The following MZB1 variants were observed in gnomAD, a reference collection of about 807,000 sequenced individuals.
The protein encoded by MZB1 is marginal zone B- and B1-cell-specific protein.
MZB1 carries 10 observed loss-of-function variants against 17.2 expected under a neutral mutation model. The ratio of observed to expected loss-of-function variants is 0.58; its 90% CI spans 0.36 to 0.98. MZB1 has a LOEUF of 0.98. Ranked by LOEUF, MZB1 falls within the 50% of genes least tolerant of loss-of-function variation. The pLI is 0.01. For synonymous variants in MZB1, 99 were observed against 98.7 expected, an observed-to-expected ratio of 1.00 and a Z score of -0.02; for missense variants, 246 against 237.5, an observed-to-expected ratio of 1.04 and a Z score of -0.23.
rs1328599305 is a variant in MZB1, at chr5:139,389,687, G to A, written c.170C>T (p.Ala57Val). The change falls in exon 1 of 4, where the codon GCT becomes GTT. Residue 57 changes from alanine (A) to valine (V), a missense_variant. By Grantham distance (64) the Ala-to-Val change is moderately conservative (BLOSUM62 0). Coordinates refer to ENST00000302125, the MANE Select transcript of MZB1 (RefSeq NM_016459.4). ...CAGTGGTGAAGGACTCACCTGGTAA[G>A]CCACAGCTCTGCAGGCATCACAGCG... ...HLRCDACRAV[A>V]YQMWQNLAKA... The A allele has an allele frequency of 1.3e-6, 2 of 1,588,904 alleles. No homozygotes were observed. Among genetic ancestry groups the A allele is most frequent in the South Asian group, 2.3e-5 (2 of 87,070 alleles).
chr5:139,387,931 C>G lies in MZB1; in HGVS notation c.414-10G>C, dbSNP rs1758541979. ...ACATGTCCTGGAGAGCCTAGGGGAG[C>G]CCAGCAGGAGCCTCAGATGCTGCCC... On this transcript the variant is annotated splice_polypyrimidine_tract_variant and intron_variant, in intron 3 of 3. Coordinates refer to ENST00000302125, the MANE Select transcript of MZB1 (RefSeq NM_016459.4). 6.4e-7 allele frequency: 1 copy of G among 1,574,678 alleles called. No homozygotes were observed. Among genetic ancestry groups the G allele is most frequent in the Admixed American group, 1.9e-5 (1 of 52,084 alleles).
At chr5:139,389,292 G>A (rs1263129635) in intron 1 of MZB1, 1 of 429,040 alleles carries the variant, frequency 2.3e-6, no homozygotes, top group Non-Finnish European at 4.6e-6. Context: ...ATGCTCAGCA[G>A]GTGTGTGTGT....
Position 139,387,815 on chromosome 5 carries a change from G to A in MZB1, c.520C>T (p.Pro174Ser). Residue 174 changes from proline to serine, a missense_variant, in exon 4 of 4, where the codon CCC becomes TCC. Physicochemically the swap from Pro to Ser is moderately conservative, Grantham distance 74. Transcript: ENST00000302125. ...ACCTTCTCTGAGCAGGCCCCCTGGG[G>A]TCCCCCACATAGCAATGCCTCCAGA... ...GALEALLCGG[P>S]QGACSEKVSA... 1.3e-6 allele frequency: 2 copies of A among 1,589,990 alleles called. No homozygotes were observed. The highest frequency in any genetic ancestry group is 3.4e-4 in the Middle Eastern group (2 of 5,916).
rs373823723 is a variant in MZB1, at chr5:139,387,581, TTTTA to T, written c.*180_*183del. ...AGAGAAAAGAAGTGAGGTCACTGGGTTTTATTTGAGTCCAGAGGGGAAGGCGTTG... is the reference window on the plus strand; with the variant it reads ...AGAGAAAAGAAGTGAGGTCACTGGGTTTTGAGTCCAGAGGGGAAGGCGTTG... On this transcript the variant is annotated 3_prime_UTR_variant, in exon 4 of 4. Transcript: ENST00000302125. The T allele has an allele frequency of 7.7e-4, 403 of 523,588 alleles. 3 individuals carry two copies. In the Middle Eastern group the frequency reaches 0.012, roughly 15 times the overall value. The allele number at this position is 523,588 out of a possible 1,614,324, so 32.4% of individuals were successfully genotyped here.
At chr5:139,389,236 C>G (rs1758567710) in intron 1 of MZB1, 1 of 338,746 alleles carries the variant, frequency 3.0e-6, no homozygotes, top group Non-Finnish European at 5.8e-6. Flanking sequence ...TTCAATCACA[C>G]AAGTACTCCC....
intron 2 of MZB1, 53 bp from the exon 3 acceptor site, chr5:139,388,184 G>A: frequency 2.7e-6 from 4 of 1,479,646 alleles, no homozygotes; most frequent in Non-Finnish European, 3.7e-6. Flanking sequence ...CCCAGCCAGG[G>A]AGAGACCCAT....
In MZB1 at chr5:139,388,539, T is replaced by C. The variant is rs1048636313; in HGVS notation, c.224A>G (p.Asn75Ser). 1 of 1,600,684 alleles carries C rather than the reference T, an allele frequency of 6.2e-7. No individual in the cohort carries two copies. Among genetic ancestry groups the C allele is most frequent in the Non-Finnish European group, 8.5e-7 (1 of 1,173,818 alleles). ...GCTCAGCTCCCGCCGCCCCCCAGAGTTTGAGGTATGAAGTTTGGTCTCTGC... is the reference window on the plus strand; with the variant it reads ...GCTCAGCTCCCGCCGCCCCCCAGAGCTTGAGGTATGAAGTTTGGTCTCTGC... ...AKAETKLHTS[N>S]SGGRRELSEL... The change falls in exon 2 of 4, where the codon AAC becomes AGC. Residue 75 changes from asparagine (N) to serine (S), a missense_variant. Physicochemically the swap from Asn to Ser is conservative, Grantham distance 46 (BLOSUM62 1). Transcript: ENST00000302125.
chr5:139,388,731 G>A, intron 1 of MZB1, 146 bp from the exon 2 acceptor site: 1 of 1,335,658 alleles, frequency 7.5e-7, no homozygotes, highest in South Asian at 1.5e-5. Flanking sequence ...CTGTTGCATG[G>A]CCCCTCCCCC....
At chr5:139,389,658 G>T (rs767754324) in intron 1 of MZB1, 22 bp downstream of exon 1, 32 of 1,580,182 alleles carry the variant, frequency 2.0e-5, no homozygotes, top group Non-Finnish European at 1.7e-6. Context: ...GCAGGGCAGG[G>T]TGACAGTGGT....
At position 139,387,791 on chromosome 5, in the gene MZB1, CCTT is replaced by C. The variant is rs1758539225; in HGVS notation, c.541_543del (p.Lys181del). ...TAGAGCTCTTCTCTTGTGGCTGACA[CCTT>C]CTCTGAGCAGGCCCCCTGGGGTCCC... On this transcript the variant is annotated inframe_deletion, in exon 4 of 4. Transcript: ENST00000302125. 1 of 1,555,254 alleles carries C rather than the reference CCTT, an allele frequency of 6.4e-7. No homozygotes were observed. Among genetic ancestry groups the C allele is most frequent in the Non-Finnish European group, 8.6e-7 (1 of 1,158,672 alleles).
At position 139,389,694 on chromosome 5, in the gene MZB1, C is replaced by A; in HGVS notation, c.163G>T (p.Ala55Ser). The A allele has an allele frequency of 6.3e-7, 1 of 1,588,752 alleles. No homozygotes were observed. The highest frequency in any genetic ancestry group is 2.3e-5 in the East Asian group (1 of 43,606). Reference sequence around the variant, plus strand: ...GAAGGACTCACCTGGTAAGCCACAGCTCTGCAGGCATCACAGCGCAGGTGA... The same window carrying A: ...GAAGGACTCACCTGGTAAGCCACAGATCTGCAGGCATCACAGCGCAGGTGA... ...PAHLRCDACRAVAYQMWQNLA... is the reference protein window; with the variant it reads ...PAHLRCDACRSVAYQMWQNLA... Residue 55 changes from alanine (A) to serine (S), a missense_variant, in exon 1 of 4, where the codon GCT becomes TCT. Coordinates refer to ENST00000302125, the MANE Select transcript of MZB1 (RefSeq NM_016459.4).
rs551074415 is a variant in MZB1 at position 139,388,020 on chromosome 5, C to T, written c.413+1G>A. ...TCCTATCCCCAAGCCCCGGGCATCA[C>T]CTGGTAGGCCAGGGGCCCCCTGTGA... On this transcript the variant is annotated splice_donor_variant, in intron 3 of 3. Coordinates refer to ENST00000302125, the MANE Select transcript of MZB1 (RefSeq NM_016459.4). LOFTEE classifies it high-confidence loss of function. The T allele has an allele frequency of 6.4e-7, 1 of 1,561,514 alleles. No individual in the cohort carries two copies. Among genetic ancestry groups the T allele is most frequent in the South Asian group, 1.2e-5 (1 of 85,214 alleles).
At chr5:139,388,797 G>A in intron 1 of MZB1, 1 of 715,836 alleles carries the variant, frequency 1.4e-6, no homozygotes, top group Non-Finnish European at 2.1e-6. Context: ...TGCTGAAGTG[G>A]TAGGTGAGGC....
intron 2 of MZB1, 89 bp from the exon 3 acceptor site, chr5:139,388,220 G>A: frequency 2.3e-6 from 3 of 1,307,218 alleles, no homozygotes; most frequent in Non-Finnish European, 3.2e-6. Flanking sequence ...GACATGCTGG[G>A]CATTTGTGGA....
Position 139,387,821 on chromosome 5 carries a change from C to G in MZB1, c.514G>C (p.Gly172Arg). Reference sequence around the variant, plus strand: ...TCTGAGCAGGCCCCCTGGGGTCCCCCACATAGCAATGCCTCCAGAGCCCCT... The same window carrying G: ...TCTGAGCAGGCCCCCTGGGGTCCCCGACATAGCAATGCCTCCAGAGCCCCT... ...GRGALEALLC[G>R]GPQGACSEKV... The change falls in exon 4 of 4, where the codon GGG becomes CGG. Residue 172 changes from glycine to arginine, a missense_variant. Physicochemically the swap from Gly to Arg is moderately radical, Grantham distance 125. Transcript: ENST00000302125. 1 of 1,596,818 alleles carries G rather than the reference C, an allele frequency of 6.3e-7. No individual in the cohort carries two copies. Among genetic ancestry groups the G allele is most frequent in the South Asian group, 1.1e-5 (1 of 88,822 alleles).
chr5:139,388,319 C>A, intron 2 of MZB1, 142 bp downstream of exon 2: 2 of 1,133,904 alleles, frequency 1.8e-6, no homozygotes, highest in East Asian at 2.6e-5. Flanking sequence ...AGCTCCAGAG[C>A]CCAGACTTCA....
At chr5:139,388,743 G>T in intron 1 of MZB1, 158 bp from the exon 2 acceptor site, 1 of 1,241,242 alleles carries the variant, frequency 8.1e-7, no homozygotes. Flanking sequence ...CCCTCCCCCA[G>T]CCCCCAAAGC....
chr5:139,388,414 G>A (rs1360694441), intron 2 of MZB1, 47 bp downstream of exon 2: 1 of 1,521,318 alleles, frequency 6.6e-7, no homozygotes, highest in Non-Finnish European at 8.8e-7. Flanking sequence ...CCACCCACCA[G>A]GCCTGCCCTT....
rs1316136622 is a variant in MZB1, at chr5:139,389,819, C to T, written c.38G>A (p.Gly13Glu). 1.7e-5 allele frequency: 26 copies of T among 1,549,710 alleles called. No individual in the cohort carries two copies. The highest frequency in any genetic ancestry group is 2.1e-5 in the Non-Finnish European group (24 of 1,147,046). Residue 13 changes from glycine to glutamate, a missense_variant, in exon 1 of 4, where the codon GGA becomes GAA. By Grantham distance (98) the Gly-to-Glu change is moderately conservative (BLOSUM62 -2). Transcript: ENST00000302125. ...GAGGCCCCCTGGGATGGCCCAGGCT[C>T]CCAGCAGCAGCAGCAGCAGTGGCAG... The part of the protein sequence containing the change: ...LSLPLLLLLL[G>E]AWAIPGGLGD...
Sources: allele counts gnomAD v4.1 joint callset, GRCh38; gene constraint gnomAD v4.1.1; transcripts MANE v1.5; gene names NCBI Gene and HGNC (gene_info 2026-07-23, HGNC 2026-07-21).